EFHC2: variants seen among roughly 807,000 people sequenced by gnomAD.
The protein encoded by EFHC2 is EF-hand domain containing 2.
In EFHC2, 18 loss-of-function variants were observed where a neutral mutation model predicts 52.7. That is an observed-to-expected ratio of 0.34 (90% confidence interval 0.24 to 0.51). The LOEUF is 0.51. Ranked by LOEUF, EFHC2 falls within the 20% of genes least tolerant of loss-of-function variation. EFHC2 has a pLI of 0.97. For synonymous variants in EFHC2, 203 were observed against 204.1 expected, an observed-to-expected ratio of 0.99 and a Z score of 0.04; for missense variants, 513 against 562.5, an observed-to-expected ratio of 0.91 and a Z score of 0.89.
intron 1 of EFHC2, among the ~76,000 whole-genome samples, chrX:44,341,503 C>T (rs923140553): frequency 1.8e-5 from 2 of 112,189 alleles, no homozygotes; most frequent in Non-Finnish European, 3.8e-5. Context: ...GGCTGGAGTG[C>T]AGTAATGCAA....
chrX:44,255,881 ACTC>A (rs1602180402), intron 4 of EFHC2, among the ~76,000 whole-genome samples: 1 of 111,318 alleles, frequency 9.0e-6, no homozygotes, highest in Non-Finnish European at 1.9e-5. Context: ...GAAGTAAAAC[ACTC>A]CTCAGCAAAT....
intron 11 of EFHC2, among the ~76,000 whole-genome samples, chrX:44,226,672 G>A (rs1342157774): frequency 9.1e-6 from 1 of 110,267 alleles, no homozygotes; most frequent in Non-Finnish European, 1.9e-5. Flanking sequence ...AAAGCAGTGA[G>A]GGCTAGATAA....
In EFHC2 at chrX:44,178,382, T is replaced by C; in HGVS notation, c.1934A>G (p.Tyr645Cys). ...NFDTFIYSCV[Y>C]EDREKKNVLP... ...AAAAGCTTACTTTTCTCGATCTTCA[T>C]ACACACAGGAATAAATGAAAGTGTC... The change falls in exon 12 of 15, where the codon TAT becomes TGT. Residue 645 changes from tyrosine to cysteine, a missense_variant. Physicochemically the swap from Tyr to Cys is radical, Grantham distance 194. Transcript: ENST00000420999. 1 of 1,191,955 alleles carries C rather than the reference T, an allele frequency of 8.4e-7. No individual in the cohort carries two copies. Among genetic ancestry groups the C allele is most frequent in the Non-Finnish European group, 1.1e-6 (1 of 883,611 alleles).
intron 1 of EFHC2, among the ~76,000 whole-genome samples, chrX:44,323,137 C>T (rs1431175927): frequency 8.9e-6 from 1 of 112,222 alleles, no homozygotes; most frequent in Admixed American, 9.5e-5. Context: ...ATAATATTTG[C>T]TCCATGAACA....
chrX:44,182,739 T>C (rs780357175), intron 11 of EFHC2, among the ~76,000 whole-genome samples: 4 of 112,338 alleles, frequency 3.6e-5, no homozygotes, highest in Non-Finnish European at 7.5e-5. Context: ...CTGTGATTAT[T>C]ATTACTAATC....
Position 44,343,672 on chromosome X carries a change from C to T in EFHC2, c.-84G>A. 9.1e-7 allele frequency: 1 copy of T among 1,096,420 alleles called. No individual in the cohort carries two copies. Among genetic ancestry groups the T allele is most frequent in the Non-Finnish European group, 1.2e-6 (1 of 810,671 alleles). 90.4% of individuals were successfully genotyped at this position (1,096,420 alleles called of 1,213,427 possible). ...CCTCCCGGCCGTGTTGTTTGGCCCC[C>T]ACGTTGCCTGGAGACGGGAAGCGGC... is the stretch of plus-strand genomic sequence containing the variant. On this transcript the variant is annotated 5_prime_UTR_variant, in exon 1 of 15. Transcript: ENST00000420999.
intron 10 of EFHC2, among the ~76,000 whole-genome samples, chrX:44,231,538 C>T (rs2037277264): frequency 9.1e-6 from 1 of 109,331 alleles, no homozygotes; most frequent in Non-Finnish European, 1.9e-5. Flanking sequence ...CTCCTGCCCC[C>T]TCCCCCTTTA....
intron 14 of EFHC2, among the ~76,000 whole-genome samples, chrX:44,157,175 G>A (rs1024989150): frequency 8.9e-6 from 1 of 112,149 alleles, no homozygotes; most frequent in Non-Finnish European, 1.9e-5. Flanking sequence ...CTCCTTGTTT[G>A]TTGTTGACCC....
chrX:44,304,196 TAG>T (rs35300564), intron 2 of EFHC2, among the ~76,000 whole-genome samples: 14,981 of 111,574 alleles, frequency 0.13, 740 homozygotes, highest in Admixed American at 0.2. Flanking sequence ...CTGATGTAAT[TAG>T]AGAGTCCTAG....
chrX:44,242,246 TGGA>T lies in EFHC2; in HGVS notation c.1152_1154del (p.Pro385del), dbSNP rs767609846. ...AAGGTGGAAATTTCCTTTCTATTTT[TGGA>T]GGAGGAGAAGGAGGCTTGCATGAAA... On this transcript the variant is annotated inframe_deletion, in exon 8 of 15. Transcript: ENST00000420999. 3 of 1,207,111 alleles carry T rather than the reference TGGA, an allele frequency of 2.5e-6. No homozygotes were observed. The highest frequency in any genetic ancestry group is 3.0e-5 in the East Asian group (1 of 33,725).
chrX:44,257,723 G>A (rs2037502515), intron 4 of EFHC2, among the ~76,000 whole-genome samples: 1 of 111,788 alleles, frequency 8.9e-6, no homozygotes. Context: ...GTAATTTATA[G>A]ATTCAATGCC....
Position 44,332,879 on chromosome X carries a change from C to T in EFHC2, c.42+10668G>A, listed in dbSNP as rs758302681. On this transcript the variant is annotated intron_variant, in intron 1 of 14. Coordinates refer to ENST00000420999, the MANE Select transcript of EFHC2 (RefSeq NM_025184.4). ...ACCATGTATCCCGAGAGACTTATCT[C>T]CTATTTAAGCCACAAAAGCAAATGA... 6.3e-5 allele frequency among the ~76,000 whole-genome samples: 7 copies of T among 111,972 alleles called. No homozygotes were observed. In the South Asian group the frequency reaches 2.7e-3, roughly 42 times the overall value.
At chrX:44,189,847 G>A (rs920425924) in intron 11 of EFHC2, among the ~76,000 whole-genome samples, 1 of 111,332 alleles carries the variant, frequency 9.0e-6, no homozygotes, top group African/African-American at 3.3e-5. Context: ...GGGCATGGGT[G>A]TGGTTTACAT....
intron 11 of EFHC2, among the ~76,000 whole-genome samples, chrX:44,191,129 T>A (rs1326659138): frequency 8.9e-6 from 1 of 112,386 alleles, no homozygotes; most frequent in Non-Finnish European, 1.9e-5. Context: ...AAGATGCTCC[T>A]TACAATGTTC....
intron 11 of EFHC2, among the ~76,000 whole-genome samples, chrX:44,199,605 A>T (rs2036991725): frequency 8.9e-6 from 1 of 112,148 alleles, no homozygotes; most frequent in Non-Finnish European, 1.9e-5. Flanking sequence ...TAGGGTTTGC[A>T]TAGTCTCAAA....
At chrX:44,324,865 C>T (rs1471025651) in intron 1 of EFHC2, among the ~76,000 whole-genome samples, 1 of 111,979 alleles carries the variant, frequency 8.9e-6, no homozygotes, top group African/African-American at 3.2e-5. Context: ...TAATCATTTC[C>T]AATTCTCTTG....
intron 11 of EFHC2, among the ~76,000 whole-genome samples, chrX:44,185,983 T>C (rs945064907): frequency 8.9e-6 from 1 of 112,395 alleles, no homozygotes; most frequent in Non-Finnish European, 1.9e-5. Flanking sequence ...TTATTCCAAA[T>C]AAATATAAGC....
At chrX:44,179,390 T>C (rs1405445854) in intron 11 of EFHC2, among the ~76,000 whole-genome samples, 1 of 112,212 alleles carries the variant, frequency 8.9e-6, no homozygotes, top group Non-Finnish European at 1.9e-5. Context: ...ATAATTCAGT[T>C]CCCAAGAATC....
chrX:44,311,910 G>A (rs2037950268), intron 2 of EFHC2, among the ~76,000 whole-genome samples: 1 of 112,060 alleles, frequency 8.9e-6, no homozygotes, highest in Non-Finnish European at 1.9e-5. Context: ...AAAAGCAAAA[G>A]TGACAATCTG....
Sources: gnomAD v4.1 joint callset for allele counts (sites outside exome capture counted in the v4.1 genomes callset) on GRCh38, gnomAD v4.1.1 for gene constraint, MANE v1.5 for transcripts, NCBI Gene and HGNC (gene_info 2026-07-23, HGNC 2026-07-21) for gene names.